SCUBE3: variants seen among roughly 807,000 people sequenced by gnomAD.
SCUBE3 encodes the protein signal peptide, CUB domain and EGF like domain containing 3.
A neutral mutation model predicts 116.8 loss-of-function variants in SCUBE3; 33 were observed. That is an observed-to-expected ratio of 0.28 (90% confidence interval 0.21 to 0.38). SCUBE3 has a LOEUF of 0.38. SCUBE3 is among the 10% of genes least tolerant of loss of function. SCUBE3 has a pLI of 1.00. For synonymous variants in SCUBE3, 418 were observed against 496.9 expected, an observed-to-expected ratio of 0.84 and a Z score of 2.11; for missense variants, 1,007 against 1,324.8, an observed-to-expected ratio of 0.76 and a Z score of 3.72.
In SCUBE3 at chr6:35,242,567, G is replaced by A; in HGVS notation, c.1535-55G>A. 2.6e-6 allele frequency: 4 copies of A among 1,524,510 alleles called. 1 individual carries two copies. Among genetic ancestry groups the A allele is most frequent in the South Asian group, 2.3e-5 (2 of 86,996 alleles). The allele number at this position is 1,524,510 out of a possible 1,614,324, so 94.4% of individuals were successfully genotyped here. ...AGATCTGGGGAGGTCTGTCTGGGCT[G>A]GGAGTGAGAACTTTCCAGGGGATGT... On this transcript the variant is annotated intron_variant, in intron 13 of 21. Transcript: ENST00000274938.
chr6:35,214,169 G>A lies in SCUBE3; in HGVS notation c.-250G>A, dbSNP rs992454373. 3.9e-5 allele frequency among the ~76,000 whole-genome samples: 6 copies of A among 152,136 alleles called. No individual in the cohort carries two copies. The highest frequency in any genetic ancestry group is 1.4e-4 in the African/African-American group (6 of 41,448). On this transcript the variant is annotated 5_prime_UTR_variant, in exon 1 of 22. Coordinates refer to ENST00000274938, the MANE Select transcript of SCUBE3 (RefSeq NM_152753.4). The surrounding 1 kb of genome is among the most constrained non-coding windows in gnomAD (Gnocchi z 6.3). Reference sequence around the variant, plus strand: ...GGGCGGGGGTTCCCCTCCGTCAGTCGCCCCTGGCGCCCCTCGCCTCGTCGC... The same window carrying A: ...GGGCGGGGGTTCCCCTCCGTCAGTCACCCCTGGCGCCCCTCGCCTCGTCGC...
intron 6 of SCUBE3, among the ~76,000 whole-genome samples, chr6:35,237,534 C>T (rs1783826539): frequency 1.3e-5 from 2 of 152,156 alleles, no homozygotes; most frequent in Admixed American, 1.3e-4. Context: ...CTTCTGGTTC[C>T]CTGGCAGCCA....
chr6:35,236,790 G>A (rs1419364497), intron 6 of SCUBE3, among the ~76,000 whole-genome samples: 1 of 152,172 alleles, frequency 6.6e-6, no homozygotes, highest in Non-Finnish European at 1.5e-5. Context: ...ATCTTCCCTA[G>A]TGGAGGTCTT....
In SCUBE3 at chr6:35,233,286, G is replaced by T; in HGVS notation, c.697G>T (p.Gly233Trp). 6.2e-7 allele frequency: 1 copy of T among 1,607,154 alleles called. No homozygotes were observed. The highest frequency in any genetic ancestry group is 8.5e-7 in the Non-Finnish European group (1 of 1,173,816). Residue 233 changes from glycine to tryptophan, a missense_variant, in exon 6 of 22, where the codon GGG becomes TGG. Physicochemically the swap from Gly to Trp is radical, Grantham distance 184. This residue lies in a region of SCUBE3 where 214 missense variants were observed against 316.7 expected (regional missense o/e 0.68). Coordinates refer to ENST00000274938, the MANE Select transcript of SCUBE3 (RefSeq NM_152753.4). This position sits in a 1 kb window ranked among gnomAD's most constrained non-coding sequence, Gnocchi z 5.7. ...TATCAAGTTTGTGCTCCATACCGAC[G>T]GGAAGACATGCATCGGTGGGTGAGG... ...CHIKFVLHTDGKTCIETCAVN... is the reference protein window; with the variant it reads ...CHIKFVLHTDWKTCIETCAVN...
chr6:35,248,109 G>T (rs958053728), intron 21 of SCUBE3, among the ~76,000 whole-genome samples: 1 of 152,174 alleles, frequency 6.6e-6, no homozygotes, highest in Non-Finnish European at 1.5e-5. Context: ...GGAAAAAGAT[G>T]AACTAATTAA....
At position 35,233,031 on chromosome 6, in the gene SCUBE3, G is replaced by A; in HGVS notation, c.595+56G>A. On this transcript the variant is annotated intron_variant, in intron 5 of 21. Coordinates refer to ENST00000274938, the MANE Select transcript of SCUBE3 (RefSeq NM_152753.4). This position sits in a 1 kb window ranked among gnomAD's most constrained non-coding sequence, Gnocchi z 5.7. The stretch of plus-strand genomic sequence containing the variant: ...TGGGGTCGGGGGTGAAAACATAGAG[G>A]AAGGGTATAGGGCTTCAGGAGCAAG... 1 of 1,601,104 alleles carries A rather than the reference G, an allele frequency of 6.2e-7. No individual in the cohort carries two copies. The highest frequency in any genetic ancestry group is 1.1e-5 in the South Asian group (1 of 90,024).
Position 35,232,799 on chromosome 6 carries a change from T to C in SCUBE3, c.470-51T>C. Reference sequence around the variant, plus strand: ...CCAGTTGCCCCCTGTAGTTTTTCTTTTCTAGACATCCAGGGGTACAGAGCA... The same window carrying C: ...CCAGTTGCCCCCTGTAGTTTTTCTTCTCTAGACATCCAGGGGTACAGAGCA... On this transcript the variant is annotated intron_variant, in intron 4 of 21. Coordinates refer to ENST00000274938, the MANE Select transcript of SCUBE3 (RefSeq NM_152753.4). This position sits in a 1 kb window ranked among gnomAD's most constrained non-coding sequence, Gnocchi z 4.2. 3 of 1,595,872 alleles carry C rather than the reference T, an allele frequency of 1.9e-6. No individual in the cohort carries two copies. The highest frequency in any genetic ancestry group is 2.6e-6 in the Non-Finnish European group (3 of 1,165,410).
At position 35,219,457 on chromosome 6, in the gene SCUBE3, T is replaced by C. The variant is rs894647160; in HGVS notation, c.85+4954T>C. Reference sequence around the variant, plus strand: ...AACAAATGGGATGATGACCCCTATATAGGGCACAGTGGTCCTTGCTCTTAC... The same window carrying C: ...AACAAATGGGATGATGACCCCTATACAGGGCACAGTGGTCCTTGCTCTTAC... On this transcript the variant is annotated intron_variant, in intron 1 of 21. Coordinates refer to ENST00000274938, the MANE Select transcript of SCUBE3 (RefSeq NM_152753.4). The surrounding 1 kb of genome is among the most constrained non-coding windows in gnomAD (Gnocchi z 4.7). Among the ~76,000 whole-genome samples, 5 of 152,176 alleles carry C rather than the reference T, an allele frequency of 3.3e-5. No individual in the cohort carries two copies. The highest frequency in any genetic ancestry group is 1.2e-4 in the African/African-American group (5 of 41,432).
chr6:35,215,022 A>G (rs1358557785), intron 1 of SCUBE3, among the ~76,000 whole-genome samples: 1 of 152,176 alleles, frequency 6.6e-6, no homozygotes, highest in East Asian at 1.9e-4. Context: ...TTATGGAAAA[A>G]TCAACTCATC....
rs1052079888 is a variant in SCUBE3, at chr6:35,240,303, T to G, written c.953-71T>G. 7.2e-6 allele frequency: 6 copies of G among 831,990 alleles called. No individual in the cohort carries two copies. The highest frequency in any genetic ancestry group is 1.1e-5 in the Non-Finnish European group (6 of 525,362). The allele number at this position is 831,990 out of a possible 1,614,324, so 51.5% of individuals were successfully genotyped here. On this transcript the variant is annotated intron_variant, in intron 8 of 21. Transcript: ENST00000274938. This position sits in a 1 kb window ranked among gnomAD's most constrained non-coding sequence, Gnocchi z 4.6. ...AGGGGGAAAGCCAAGGCCCCTCACT[T>G]GGGTCCTTCACCTGAGCAAGGGTCA...
Position 35,227,677 on chromosome 6 carries a change from C to T in SCUBE3, c.183C>T (p.Tyr61=). 6.2e-7 allele frequency: 1 copy of T among 1,614,158 alleles called. No homozygotes were observed. The highest frequency in any genetic ancestry group is 8.5e-7 in the Non-Finnish European group (1 of 1,180,018). ...ACAAGTGCATCTGCAAGTCTGGCTA[C>T]ACAGGGGACGGCAAACACTGCAAAG... The part of the protein sequence containing the change: ...RSYKCICKSG[Y]TGDGKHCKDV... Residue 61 remains tyrosine (Y), a synonymous_variant, in exon 2 of 22, where the codon TAC becomes TAT. Coordinates refer to ENST00000274938, the MANE Select transcript of SCUBE3 (RefSeq NM_152753.4).
rs1292032692 is a variant in SCUBE3 at position 35,214,611 on chromosome 6, C to G, written c.85+108C>G. ...CAGGTGCTGGGGAGCGTGCTGCTGT[C>G]AGAACCCGGCTCTGTGCACCCGGAC... On this transcript the variant is annotated intron_variant, in intron 1 of 21. Coordinates refer to ENST00000274938, the MANE Select transcript of SCUBE3 (RefSeq NM_152753.4). The surrounding 1 kb of genome is among the most constrained non-coding windows in gnomAD (Gnocchi z 6.3). 1 of 639,004 alleles carries G rather than the reference C, an allele frequency of 1.6e-6. No homozygotes were observed. Among genetic ancestry groups the G allele is most frequent in the Non-Finnish European group, 2.3e-6 (1 of 435,772 alleles). 39.6% of individuals were successfully genotyped at this position (639,004 alleles called of 1,614,324 possible).
chr6:35,243,786 G>T lies in SCUBE3; in HGVS notation c.2071+31G>T. ...AGGGGAACAAACAATACAGAGTGGGGTAGGGTGGGCACTGGGATGCCCATG... is the reference window on the plus strand; with the variant it reads ...AGGGGAACAAACAATACAGAGTGGGTTAGGGTGGGCACTGGGATGCCCATG... On this transcript the variant is annotated intron_variant, in intron 16 of 21. Transcript: ENST00000274938. This position sits in a 1 kb window ranked among gnomAD's most constrained non-coding sequence, Gnocchi z 6.6. 2 of 1,605,458 alleles carry T rather than the reference G, an allele frequency of 1.2e-6. No individual in the cohort carries two copies. The highest frequency in any genetic ancestry group is 1.7e-6 in the Non-Finnish European group (2 of 1,173,192).
Position 35,214,380 on chromosome 6 carries a change from A to C in SCUBE3, c.-39A>C. On this transcript the variant is annotated 5_prime_UTR_variant, in exon 1 of 22. Transcript: ENST00000274938. This position sits in a 1 kb window ranked among gnomAD's most constrained non-coding sequence, Gnocchi z 6.3. ...CGGCTTCCGCCCTCCCCTGGCCGCG[A>C]GACCGGCCCCGGCGGCTGGGCCGCC... 1 of 1,357,228 alleles carries C rather than the reference A, an allele frequency of 7.4e-7. No homozygotes were observed. The allele number at this position is 1,357,228 out of a possible 1,614,324, so 84.1% of individuals were successfully genotyped here. A position where few individuals can be genotyped will look rare whatever the true frequency, so the allele number is the denominator to read the frequency against.
intron 12 of SCUBE3, 79 bp from the exon 13 acceptor site, chr6:35,242,125 C>A: frequency 9.3e-7 from 1 of 1,075,818 alleles, no homozygotes; most frequent in Non-Finnish European, 1.4e-6. Context: ...GCTTATTACC[C>A]AGCTTCTCAA....
rs1784513687 is a variant in SCUBE3 at position 35,250,500 on chromosome 6, C to T, written c.*1795C>T. On this transcript the variant is annotated 3_prime_UTR_variant, in exon 22 of 22. Transcript: ENST00000274938. ...GGTCACTTCCCTTTGAAGTTGACTT[C>T]AAGCTTAGCTTCCTCAACTACTGTT... The T allele has an allele frequency of 6.6e-6, 1 of 152,170 alleles. No homozygotes were observed. Among genetic ancestry groups the T allele is most frequent in the African/African-American group, 2.4e-5 (1 of 41,422 alleles). 9.4% of individuals were successfully genotyped at this position (152,170 alleles called of 1,614,324 possible).
intron 1 of SCUBE3, chr6:35,222,769 T>G (rs1205324651): frequency 6.6e-6 from 1 of 152,028 alleles, no homozygotes; most frequent in Non-Finnish European, 1.5e-5. Flanking sequence ...TCTCCCCAAA[T>G]CCTCCCCACC....
intron 21 of SCUBE3, among the ~76,000 whole-genome samples, chr6:35,247,407 C>T (rs1456520385): frequency 7.0e-6 from 1 of 142,794 alleles, no homozygotes; most frequent in African/African-American, 2.6e-5. Context: ...CATTGCACTC[C>T]AGCCTGGGCA....
chr6:35,217,609 C>G (rs1396909530), intron 1 of SCUBE3, among the ~76,000 whole-genome samples: 1 of 151,938 alleles, frequency 6.6e-6, no homozygotes, highest in East Asian at 1.9e-4. Context: ...GTGGCTGTTT[C>G]CTTTCCTCCC....
Sources: gnomAD v4.1 joint callset for allele counts (sites outside exome capture counted in the v4.1 genomes callset) on GRCh38, gnomAD v4.1.1 for gene constraint, gnomAD v4.1.1 regional missense constraint, Gnocchi (gnomAD v3.1) non-coding constraint, MANE v1.5 for transcripts, NCBI Gene and HGNC (gene_info 2026-07-23, HGNC 2026-07-21) for gene names.